Variants in AURKA observed in about 807,000 individuals in gnomAD.
AURKA encodes the protein aurora 2.
Under a neutral mutation model 40.9 loss-of-function variants are expected in AURKA, and 12 were observed. That is an observed-to-expected ratio of 0.29 (90% CI 0.19 to 0.48). The LOEUF (loss-of-function observed/expected upper bound fraction) is 0.48. Among genes scored for constraint, AURKA ranks in the 20% least tolerant of loss-of-function variants. The pLI is 0.99. For synonymous variants in AURKA, 170 were observed against 164.3 expected (o/e 1.03, Z -0.26); for missense variants, 322 against 462.1 (o/e 0.70, Z 2.78).
Position 56,373,262 on chromosome 20 carries a change from A to C in AURKA, c.854+146T>G, listed in dbSNP as rs1295295764. 1.9e-6 allele frequency: 2 copies of C among 1,052,404 alleles called. No homozygotes were observed. Among genetic ancestry groups the C allele is most frequent in the Non-Finnish European group, 2.9e-6 (2 of 692,180 alleles). The allele number at this position is 1,052,404 out of a possible 1,614,324, so 65.2% of individuals were successfully genotyped here. ...TCTTGCAAACCCTAGTTTATTATTA[A>C]GCCTAAATTACTCCAAAGTACTTCT... On this transcript the variant is annotated intron_variant, in intron 7 of 8. Coordinates refer to ENST00000395915, the MANE Select transcript of AURKA (RefSeq NM_198437.3). This position sits in a 1 kb window ranked among gnomAD's most constrained non-coding sequence, Gnocchi z 5.0.
chr20:56,375,947 G>A (rs759669358), intron 6 of AURKA, among the ~76,000 whole-genome samples: 24 of 152,214 alleles, frequency 1.6e-4, no homozygotes, highest in Non-Finnish European at 2.8e-4. Flanking sequence ...ACAGGTACAT[G>A]TGTATTCATT....
At chr20:56,381,358 T>C (rs1030040307) in intron 6 of AURKA, 75 bp downstream of exon 6, 5 of 1,574,478 alleles carry the variant, frequency 3.2e-6, no homozygotes, top group East Asian at 2.2e-5. Flanking sequence ...CACTCTACTA[T>C]GATGAAAGGT....
Position 56,369,683 on chromosome 20 carries a change from T to G in AURKA, c.*475A>C. ...ATACAAGTCTGTACATATATCTTTA[T>G]TTTCATACTTAAAAAGAATCACATA... is the stretch of plus-strand genomic sequence containing the variant. On this transcript the variant is annotated 3_prime_UTR_variant, in exon 9 of 9. Coordinates refer to ENST00000395915, the MANE Select transcript of AURKA (RefSeq NM_198437.3). 1 of 338,860 alleles carries G rather than the reference T, an allele frequency of 3.0e-6. No homozygotes were observed. Among genetic ancestry groups the G allele is most frequent in the Non-Finnish European group, 5.5e-6 (1 of 180,710 alleles). The allele number at this position is 338,860 out of a possible 1,614,324, so 21.0% of individuals were successfully genotyped here. A position where few individuals can be genotyped will look rare whatever the true frequency, so the allele number is the denominator to read the frequency against.
intron 6 of AURKA, among the ~76,000 whole-genome samples, chr20:56,374,717 T>A (rs1984697781): frequency 6.6e-6 from 1 of 152,198 alleles, no homozygotes; most frequent in Non-Finnish European, 1.5e-5. Flanking sequence ...ATTACAGACA[T>A]GAGCCACTGC....
At chr20:56,381,378 T>C in intron 6 of AURKA, 55 bp downstream of exon 6, 1 of 1,603,054 alleles carries the variant, frequency 6.2e-7, no homozygotes, top group Non-Finnish European at 8.5e-7. Flanking sequence ...TACATTGCTA[T>C]GGAGGACAGG....
chr20:56,370,697 GT>G, intron 7 of AURKA, 38 bp from the exon 8 acceptor site: 1 of 1,609,932 alleles, frequency 6.2e-7, no homozygotes, highest in Non-Finnish European at 8.5e-7. Context: ...TGTGCTTCTC[GT>G]TTTATGATCA....
intron 4 of AURKA, among the ~76,000 whole-genome samples, chr20:56,383,430 G>A (rs1451567463): frequency 6.6e-6 from 1 of 152,202 alleles, no homozygotes; most frequent in African/African-American, 2.4e-5. Flanking sequence ...AGCACTCTAT[G>A]GGAAATGTCC....
chr20:56,373,460 C>T lies in AURKA; in HGVS notation c.802G>A (p.Gly268Arg). 1 of 1,614,166 alleles carries T rather than the reference C, an allele frequency of 6.2e-7. No homozygotes were observed. Among genetic ancestry groups the T allele is most frequent in the Non-Finnish European group, 8.5e-7 (1 of 1,180,038 alleles). Residue 268 changes from glycine (G) to arginine (R), a missense_variant, in exon 7 of 9, where the codon GGA becomes AGA. Gly to Arg is a moderately radical substitution (Grantham distance 125, BLOSUM62 -2). Coordinates refer to ENST00000395915, the MANE Select transcript of AURKA (RefSeq NM_198437.3). This position sits in a 1 kb window ranked among gnomAD's most constrained non-coding sequence, Gnocchi z 5.0. Reference protein sequence around the residue: ...KPENLLLGSAGELKIADFGWS... With the variant: ...KPENLLLGSARELKIADFGWS... ...CCAAAATCTGCAATTTTAAGCTCTCCAGCTGATCCAAGAAGTAAGTTCTCT... is the reference window on the plus strand; with the variant it reads ...CCAAAATCTGCAATTTTAAGCTCTCTAGCTGATCCAAGAAGTAAGTTCTCT...
intron 6 of AURKA, among the ~76,000 whole-genome samples, chr20:56,378,804 T>C (rs1010439788): frequency 2.0e-5 from 3 of 152,206 alleles, no homozygotes; most frequent in East Asian, 3.9e-4. Context: ...CATACTGTTA[T>C]GATTCCAATT....
At chr20:56,379,124 A>C (rs1177672405) in intron 6 of AURKA, among the ~76,000 whole-genome samples, 1 of 152,232 alleles carries the variant, frequency 6.6e-6, no homozygotes, top group Non-Finnish European at 1.5e-5. Context: ...ACTAAAGGGC[A>C]TGAGGGTAAA....
At chr20:56,389,718 A>G (rs1032526710) in intron 1 of AURKA, among the ~76,000 whole-genome samples, 5 of 152,000 alleles carry the variant, frequency 3.3e-5, no homozygotes, top group Admixed American at 6.5e-5. Flanking sequence ...CACCTCCCCA[A>G]ATCTAGTCTC....
chr20:56,375,172 T>A (rs1984767060), intron 6 of AURKA, among the ~76,000 whole-genome samples: 1 of 152,170 alleles, frequency 6.6e-6, no homozygotes, highest in South Asian at 2.1e-4. Flanking sequence ...TCACCCAGCC[T>A]GGATTGCTAT....
chr20:56,375,532 T>C (rs1984824212), intron 6 of AURKA, among the ~76,000 whole-genome samples: 2 of 152,044 alleles, frequency 1.3e-5, no homozygotes. Flanking sequence ...GTTTGCTTTC[T>C]ACAGCAATTT....
chr20:56,376,716 A>T (rs988179742), intron 6 of AURKA, among the ~76,000 whole-genome samples: 1 of 152,224 alleles, frequency 6.6e-6, no homozygotes, highest in Non-Finnish European at 1.5e-5. Flanking sequence ...TTTTAATCAC[A>T]TAAAAAAGGA....
intron 2 of AURKA, 60 bp from the exon 3 acceptor site, chr20:56,386,593 G>C (rs1986412980): frequency 6.3e-7 from 1 of 1,592,800 alleles, no homozygotes; most frequent in South Asian, 1.1e-5. Context: ...TGAATATATT[G>C]AGAATTTCAC....
At chr20:56,383,803 G>A (rs941780517) in intron 4 of AURKA, among the ~76,000 whole-genome samples, 8 of 152,230 alleles carry the variant, frequency 5.3e-5, no homozygotes, top group Non-Finnish European at 1.0e-4. Flanking sequence ...GAGACTGAGA[G>A]GAGGCTTTTA....
chr20:56,378,715 A>G (rs1985286798), intron 6 of AURKA, among the ~76,000 whole-genome samples: 1 of 152,228 alleles, frequency 6.6e-6, no homozygotes, highest in South Asian at 2.1e-4. Context: ...GAAATGAACA[A>G]GCTCTCATGC....
chr20:56,373,618 C>G lies in AURKA; in HGVS notation c.706-62G>C. The G allele has an allele frequency of 6.3e-7, 1 of 1,576,410 alleles. No individual in the cohort carries two copies. Among genetic ancestry groups the G allele is most frequent in the Non-Finnish European group, 8.7e-7 (1 of 1,147,728 alleles). ...TTATATAACACAAGTTAATATTAGA[C>G]ATCTCTTCCGAAAGGAACACAACAT... is the stretch of plus-strand genomic sequence containing the variant. On this transcript the variant is annotated intron_variant, in intron 6 of 8. Transcript: ENST00000395915. The surrounding 1 kb of genome is among the most constrained non-coding windows in gnomAD (Gnocchi z 5.0).
intron 3 of AURKA, 125 bp from the exon 4 acceptor site, chr20:56,384,449 G>C (rs1414004289): frequency 5.3e-6 from 3 of 568,664 alleles, no homozygotes; most frequent in Non-Finnish European, 2.9e-6. Flanking sequence ...TGATAAATCT[G>C]TTTTTTTTTT....
Sources: gnomAD v4.1 joint callset for allele counts (sites outside exome capture counted in the v4.1 genomes callset) on GRCh38, gnomAD v4.1.1 for gene constraint, Gnocchi (gnomAD v3.1) non-coding constraint, MANE v1.5 for transcripts, NCBI Gene and HGNC (gene_info 2026-07-23, HGNC 2026-07-21) for gene names.